The following TLN2 variants were observed in gnomAD, a reference collection of about 807,000 sequenced individuals.
TLN2 encodes the protein talin 2.
TLN2 carries 118 observed loss-of-function variants against 294.7 expected under a neutral mutation model. The ratio of observed to expected loss-of-function variants is 0.40; its 90% confidence interval spans 0.34 to 0.47. The LOEUF is 0.47. Ranked by LOEUF, TLN2 falls within the 20% of genes least tolerant of loss-of-function variation. The probability of loss-of-function intolerance (pLI) is 0.84; values close to 1 mark genes in which losing one functional copy is unlikely to be tolerated. For synonymous variants in TLN2, 1,431 were observed against 1,304.5 expected, an observed-to-expected ratio of 1.10 and a Z score of -2.09; for missense variants, 3,083 against 3,282.2, an observed-to-expected ratio of 0.94 and a Z score of 1.48.
chr15:62,547,622 C>T (rs1218932125), intron 1 of TLN2, among the ~76,000 whole-genome samples: 1 of 152,144 alleles, frequency 6.6e-6, no homozygotes, highest in Non-Finnish European at 1.5e-5. Flanking sequence ...CGGTGGATGC[C>T]TTGGGCTGTG....
chr15:62,428,896 C>T (rs1021879990), intron 1 of TLN2, among the ~76,000 whole-genome samples: 1 of 152,158 alleles, frequency 6.6e-6, no homozygotes, highest in African/African-American at 2.4e-5. Flanking sequence ...CCTGACTGAT[C>T]TTCAAGAATC....
intron 1 of TLN2, among the ~76,000 whole-genome samples, chr15:62,546,869 A>T (rs1205925828): frequency 6.6e-6 from 1 of 152,242 alleles, no homozygotes; most frequent in Non-Finnish European, 1.5e-5. Flanking sequence ...TGAGATGCAG[A>T]GGCCATGAGG....
At chr15:62,709,896 G>A (rs909316711) in intron 21 of TLN2, among the ~76,000 whole-genome samples, 7 of 151,758 alleles carry the variant, frequency 4.6e-5, no homozygotes, top group Admixed American at 6.6e-5. Flanking sequence ...CATGATGCCC[G>A]GCTAATTTTT....
At chr15:62,753,387 T>C (rs573537896) in intron 35 of TLN2, among the ~76,000 whole-genome samples, 1 of 152,156 alleles carries the variant, frequency 6.6e-6, no homozygotes, top group Admixed American at 6.5e-5. Flanking sequence ...ATGCACCCAC[T>C]GTTTTGTGCC....
In TLN2 at chr15:62,565,539, G is replaced by A. The variant is rs140822129; in HGVS notation, c.-237-24148G>A. ...CTGGATTGCTTAAGGGGCACTGCCT[G>A]GCAACAGTTGGACCCTTCAATTCCT... On this transcript the variant is annotated intron_variant, in intron 1 of 58. Transcript: ENST00000636159. Among the ~76,000 whole-genome samples the A allele has an allele frequency of 2.3e-3, 353 of 152,254 alleles. 1 individual carries two copies. The highest frequency in any genetic ancestry group is 4.1e-3 in the Admixed American group (63 of 15,296).
At chr15:62,529,080 TAAC>T (rs751248743) in intron 1 of TLN2, among the ~76,000 whole-genome samples, 1 of 151,590 alleles carries the variant, frequency 6.6e-6, no homozygotes, top group Non-Finnish European at 1.5e-5. Flanking sequence ...GAGGCTAAAG[TAAC>T]ATTTACAGGG....
chr15:62,726,974 G>C, intron 27 of TLN2, 113 bp from the exon 28 acceptor site: 7 of 1,089,658 alleles, frequency 6.4e-6, no homozygotes, highest in Non-Finnish European at 9.3e-6. Context: ...TGCCATTGGT[G>C]GGAAAGAGCT....
chr15:62,401,169 T>C lies in TLN2; in HGVS notation c.-238+10484T>C, dbSNP rs143018973. Among the ~76,000 whole-genome samples, 1,176 of 152,300 alleles carry C rather than the reference T, an allele frequency of 7.7e-3. 14 individuals carry two copies. Among genetic ancestry groups the C allele is most frequent in the African/African-American group, 0.026 (1,097 of 41,562 alleles). ...GCTTGTCTGGATGTCCTTGAGAGAT[T>C]TGGATGAACCAAAGCTCAAGCAGAG... On this transcript the variant is annotated intron_variant, in intron 1 of 58. Transcript: ENST00000636159.
In TLN2 at chr15:62,819,143, A is replaced by C. The variant is rs370005372; in HGVS notation, c.6772-373A>C. On this transcript the variant is annotated intron_variant, in intron 52 of 58. Transcript: ENST00000636159. ...CCAAAGTGCTTGGATTACAGGTGTG[A>C]GCCACTGTACCCAGCCAGAATGTTC... 8.5e-5 allele frequency among the ~76,000 whole-genome samples: 13 copies of C among 152,260 alleles called. No homozygotes were observed. In the East Asian group the frequency reaches 1.5e-3, roughly 18 times the overall value.
chr15:62,790,262 A>G (rs2064985640), intron 45 of TLN2, among the ~76,000 whole-genome samples: 1 of 152,212 alleles, frequency 6.6e-6, no homozygotes, highest in South Asian at 2.1e-4. Flanking sequence ...TAACTCATAA[A>G]GGAAGAGTAT....
At chr15:62,609,660 G>T (rs536799776) in intron 2 of TLN2, among the ~76,000 whole-genome samples, 1 of 152,104 alleles carries the variant, frequency 6.6e-6, no homozygotes, top group Non-Finnish European at 1.5e-5. Flanking sequence ...TTTTTGCACC[G>T]CATCATGTGG....
intron 54 of TLN2, among the ~76,000 whole-genome samples, chr15:62,825,685 T>G (rs1182747257): frequency 7.3e-6 from 1 of 137,874 alleles, no homozygotes; most frequent in Non-Finnish European, 1.5e-5. Context: ...TCACCCAGTC[T>G]CTACTAAAAA....
At chr15:62,398,905 A>G (rs1375479935) in intron 1 of TLN2, among the ~76,000 whole-genome samples, 1 of 152,212 alleles carries the variant, frequency 6.6e-6, no homozygotes, top group Non-Finnish European at 1.5e-5. Flanking sequence ...ATAAGTAACC[A>G]GAGACCTTTG....
At chr15:62,574,165 G>C (rs962986767) in intron 1 of TLN2, among the ~76,000 whole-genome samples, 1 of 150,166 alleles carries the variant, frequency 6.7e-6, no homozygotes, top group Non-Finnish European at 1.5e-5. Context: ...TCCAGGGACT[G>C]TCACTTCATT....
chr15:62,797,163 A>G lies in TLN2; in HGVS notation c.6051-56A>G. 4 of 1,590,112 alleles carry G rather than the reference A, an allele frequency of 2.5e-6. No homozygotes were observed. The South Asian group carries it at 4.4e-5, about 18-fold the overall frequency. ...GAGGGATTTCTTTTCTTCTTGAAGT[A>G]ATCAAGCTTTGCCCTCTGTCTCTCC... On this transcript the variant is annotated intron_variant, in intron 47 of 58. Transcript: ENST00000636159.
At chr15:62,604,577 T>C (rs1021947524) in intron 2 of TLN2, among the ~76,000 whole-genome samples, 3 of 144,098 alleles carry the variant, frequency 2.1e-5, no homozygotes, top group Non-Finnish European at 4.6e-5. Flanking sequence ...GTCAACAGTA[T>C]ATTAAAGAGA....
chr15:62,772,308 A>G (rs6494357), intron 42 of TLN2, among the ~76,000 whole-genome samples: 1 of 152,136 alleles, frequency 6.6e-6, no homozygotes, highest in African/African-American at 2.4e-5. Context: ...CTTGGCAGTT[A>G]TTAAGAGCCT....
At chr15:62,426,111 C>T (rs1172176694) in intron 1 of TLN2, among the ~76,000 whole-genome samples, 1 of 152,154 alleles carries the variant, frequency 6.6e-6, no homozygotes, top group Non-Finnish European at 1.5e-5. Flanking sequence ...TCCATGGAAG[C>T]ATTTGTTCTA....
chr15:62,434,241 T>C (rs2035172968), intron 1 of TLN2, among the ~76,000 whole-genome samples: 1 of 152,362 alleles, frequency 6.6e-6, no homozygotes, highest in South Asian at 2.1e-4. Context: ...TGTGTCTTTA[T>C]GTTCTGACTC....
Sources: gnomAD v4.1 joint callset for allele counts (sites outside exome capture counted in the v4.1 genomes callset) on GRCh38, gnomAD v4.1.1 for gene constraint, MANE v1.5 for transcripts, NCBI Gene and HGNC (gene_info 2026-07-23, HGNC 2026-07-21) for gene names.